PRR16: variants seen among roughly 807,000 people sequenced by gnomAD.
PRR16 encodes protein Largen.
A neutral mutation model predicts 18.2 loss-of-function variants in PRR16; 6 were observed. The observed-to-expected ratio is 0.33, with a 90% CI of 0.18 to 0.65. The LOEUF (loss-of-function observed/expected upper bound fraction) is 0.65. Ranked by LOEUF, PRR16 falls within the 30% of genes least tolerant of loss-of-function variation. The probability of loss-of-function intolerance (pLI) is 0.74; values close to 1 mark genes in which losing one functional copy is unlikely to be tolerated. For synonymous variants in PRR16, 151 were observed against 147.8 expected (o/e 1.02, Z -0.16); for missense variants, 412 against 376.6 (o/e 1.09, Z -0.78).
chr5:120,585,434 A>G (rs1024931906), intron 1 of PRR16, among the ~76,000 whole-genome samples: 1 of 151,734 alleles, frequency 6.6e-6, no homozygotes, highest in Non-Finnish European at 1.5e-5. Context: ...ACATGGTGAA[A>G]CCCCGCTTCT....
At chr5:120,702,486 A>G in the PRR16 span, among the ~76,000 whole-genome samples, 1 of 152,080 alleles carries the variant, frequency 6.6e-6, no homozygotes, top group Non-Finnish European at 1.5e-5. Context: ...GGGTTGGGGT[A>G]CTTGCCCCTT....
chr5:120,510,194 A>G (rs1316510857), intron 1 of PRR16, among the ~76,000 whole-genome samples: 4 of 152,156 alleles, frequency 2.6e-5, no homozygotes, highest in African/African-American at 7.2e-5. Context: ...CTCAACTGTT[A>G]AAGTAAGAGA....
Position 120,501,073 on chromosome 5 carries a change from A to T in PRR16, c.159+36428A>T, listed in dbSNP as rs1750436815. On this transcript the variant is annotated intron_variant, in intron 1 of 1. Coordinates refer to ENST00000407149, the MANE Select transcript of PRR16 (RefSeq NM_001300783.2). ...TTTTCTCCTAAAGAATTCAGGGAGG[A>T]AACATTTAACTTCAGAAGCATAAAG... 2.0e-5 allele frequency among the ~76,000 whole-genome samples: 3 copies of T among 152,284 alleles called. No homozygotes were observed. The South Asian group carries it at 6.2e-4, about 32-fold the overall frequency.
chr5:120,490,033 A>C (rs1218796771), intron 1 of PRR16, among the ~76,000 whole-genome samples: 2 of 152,136 alleles, frequency 1.3e-5, no homozygotes, highest in African/African-American at 4.8e-5. Flanking sequence ...TGTTAGTCTG[A>C]TGGGCTTCCC....
At chr5:120,720,583 T>G in the PRR16 span, among the ~76,000 whole-genome samples, 1 of 152,046 alleles carries the variant, frequency 6.6e-6, no homozygotes, top group Non-Finnish European at 1.5e-5. Flanking sequence ...ATAATTATTT[T>G]TGGGTGGATA....
chr5:120,631,371 G>C (rs962897217), intron 1 of PRR16, among the ~76,000 whole-genome samples: 1 of 152,096 alleles, frequency 6.6e-6, no homozygotes, highest in Non-Finnish European at 1.5e-5. Context: ...ACCACTGCAG[G>C]CTCCCTGAGA....
chr5:120,519,751 A>C (rs1217247485), intron 1 of PRR16, among the ~76,000 whole-genome samples: 4 of 152,142 alleles, frequency 2.6e-5, no homozygotes, highest in African/African-American at 2.4e-5. Flanking sequence ...AAAAATAGAA[A>C]TTAAGAGAAA....
At chr5:120,786,780 G>A in the PRR16 span, among the ~76,000 whole-genome samples, 178 of 151,856 alleles carry the variant, frequency 1.2e-3, 2 homozygotes, top group South Asian at 3.7e-3. Flanking sequence ...TGCCCTTACT[G>A]CATAGAAATG....
intron 1 of PRR16, among the ~76,000 whole-genome samples, chr5:120,508,965 G>T (rs1255381036): frequency 2.0e-5 from 3 of 151,968 alleles, no homozygotes; most frequent in Admixed American, 6.6e-5. Context: ...TTGGGTGAGG[G>T]GGGGGATAGT....
chr5:120,679,851 A>C (rs1054778058), intron 1 of PRR16, among the ~76,000 whole-genome samples: 3 of 152,190 alleles, frequency 2.0e-5, no homozygotes, highest in Non-Finnish European at 2.9e-5. Flanking sequence ...GTTGGGGGAC[A>C]GAGAATGGGG....
At chr5:120,781,945 TA>T in the PRR16 span, among the ~76,000 whole-genome samples, 2 of 152,110 alleles carry the variant, frequency 1.3e-5, no homozygotes, top group African/African-American at 4.8e-5. Flanking sequence ...TTTTTCTAGG[TA>T]AAATTGTAAA....
chr5:120,486,353 C>G (rs9687526), intron 1 of PRR16, among the ~76,000 whole-genome samples: 149,853 of 150,076 alleles, frequency 1, 74,815 homozygotes, highest in East Asian at 1. Flanking sequence ...TAACTGGTGT[C>G]AGATGGTATC....
intron 1 of PRR16, among the ~76,000 whole-genome samples, chr5:120,683,932 A>C (rs562097140): frequency 6.6e-6 from 1 of 152,276 alleles, no homozygotes; most frequent in South Asian, 2.1e-4. Context: ...AAAAAAAAAA[A>C]AAACCAAAAA....
At chr5:120,484,276 AAAAT>A (rs1464030955) in intron 1 of PRR16, among the ~76,000 whole-genome samples, 2 of 148,346 alleles carry the variant, frequency 1.3e-5, no homozygotes, top group East Asian at 3.9e-4. Context: ...GTTAAAAAAG[AAAAT>A]AAATATATGT....
chr5:120,708,943 C>T, the PRR16 span, among the ~76,000 whole-genome samples: 1 of 121,946 alleles, frequency 8.2e-6, no homozygotes, highest in African/African-American at 3.2e-5. Flanking sequence ...TTCAAAATAT[C>T]TTCTGAATTT....
intron 1 of PRR16, among the ~76,000 whole-genome samples, chr5:120,478,989 A>G (rs1180210482): frequency 3.3e-5 from 5 of 152,254 alleles, no homozygotes; most frequent in Admixed American, 3.3e-4. Context: ...AAGCAAGCAG[A>G]TTGGTAAGAC....
chr5:120,585,439 G>A (rs970811772), intron 1 of PRR16, among the ~76,000 whole-genome samples: 3 of 151,740 alleles, frequency 2.0e-5, no homozygotes, highest in African/African-American at 7.3e-5. Context: ...GTGAAACCCC[G>A]CTTCTACTAA....
chr5:120,737,551 C>T, the PRR16 span, among the ~76,000 whole-genome samples: 22,456 of 151,258 alleles, frequency 0.15, 2,508 homozygotes, highest in African/African-American at 0.31. Flanking sequence ...TTGTACATCT[C>T]TTCTTGTAAT....
intron 1 of PRR16, chr5:120,657,936 A>ATGCTATCCCAACACCAACG (rs1756040414): frequency 6.6e-6 from 1 of 151,828 alleles, no homozygotes; most frequent in South Asian, 2.1e-4. Context: ...GCATTTTCTA[A>ATGCTATCCCAACACCAACG]TGCTATCCCA....
Sources: allele counts gnomAD v4.1 joint callset (sites outside exome capture counted in the v4.1 genomes callset), GRCh38; gene constraint gnomAD v4.1.1; transcripts MANE v1.5; gene names NCBI Gene and HGNC (gene_info 2026-07-23, HGNC 2026-07-21).